Variants in IQCK observed in about 807,000 individuals in gnomAD.
IQCK encodes the protein IQ motif containing K.
IQCK carries 29 observed loss-of-function variants against 28.1 expected under a neutral mutation model. The observed-to-expected ratio is 1.03, with a 90% CI of 0.77 to 1.41. IQCK has a LOEUF of 1.41. Among genes scored for constraint, IQCK ranks in the 40% most tolerant of loss-of-function variants. The probability of loss-of-function intolerance (pLI) is 0.00; values close to 1 mark genes in which losing one functional copy is unlikely to be tolerated. For synonymous variants in IQCK, 113 were observed against 115.1 expected, an observed-to-expected ratio of 0.98 and a Z score of 0.12; for missense variants, 359 against 314.7, an observed-to-expected ratio of 1.14 and a Z score of -1.07.
At chr16:19,745,074 A>G (rs1310978491) in intron 4 of IQCK, among the ~76,000 whole-genome samples, 1 of 152,210 alleles carries the variant, frequency 6.6e-6, no homozygotes, top group African/African-American at 2.4e-5. Context: ...TAATATTCCA[A>G]TATTTTGGGT....
chr16:19,733,417 G>A (rs1231149744), intron 2 of IQCK, among the ~76,000 whole-genome samples: 1 of 152,106 alleles, frequency 6.6e-6, no homozygotes, highest in Admixed American at 6.5e-5. Flanking sequence ...GGGATTACAG[G>A]CGTGAGTTTC....
intron 1 of IQCK, among the ~76,000 whole-genome samples, chr16:19,721,778 A>T (rs1304208369): frequency 6.6e-6 from 1 of 151,992 alleles, no homozygotes. Context: ...GGGTTTTGCC[A>T]TGTTGGCCAA....
At chr16:19,811,481 G>A (rs996463180) in intron 7 of IQCK, among the ~76,000 whole-genome samples, 7 of 152,126 alleles carry the variant, frequency 4.6e-5, no homozygotes, top group African/African-American at 1.2e-4. Context: ...GGGAAATTCC[G>A]TCTTTTCCAA....
chr16:19,735,481 G>T, intron 4 of IQCK, 31 bp downstream of exon 4: 1 of 1,468,652 alleles, frequency 6.8e-7, no homozygotes, highest in Non-Finnish European at 9.5e-7. Flanking sequence ...TCTTTATTTT[G>T]AGATTCTCAA....
chr16:19,781,834 C>A (rs1268768599), intron 6 of IQCK, among the ~76,000 whole-genome samples: 1 of 151,860 alleles, frequency 6.6e-6, no homozygotes, highest in Non-Finnish European at 1.5e-5. Flanking sequence ...ACTAAAAATA[C>A]AAAAATTAGC....
At chr16:19,845,804 G>T (rs528785168) in intron 9 of IQCK, among the ~76,000 whole-genome samples, 1 of 152,296 alleles carries the variant, frequency 6.6e-6, no homozygotes, top group South Asian at 2.1e-4. Flanking sequence ...GCCGGGCATG[G>T]TGGCTCATGC....
intron 7 of IQCK, among the ~76,000 whole-genome samples, chr16:19,806,448 G>A (rs1375486405): frequency 1.3e-5 from 2 of 152,102 alleles, no homozygotes; most frequent in Non-Finnish European, 2.9e-5. Context: ...CACTTTGGGA[G>A]GCTGAGGCGG....
intron 6 of IQCK, among the ~76,000 whole-genome samples, chr16:19,773,724 C>T (rs111326920): frequency 0.031 from 4,716 of 152,244 alleles, 231 homozygotes; most frequent in African/African-American, 0.11. Flanking sequence ...CCATGAGCTA[C>T]GGTTTGTTGA....
At position 19,802,558 on chromosome 16, in the gene IQCK, T is replaced by C. The variant is rs189605311; in HGVS notation, c.690+13636T>C. ...GTAAATCCACAAGAAATATTGGCTG[T>C]TGTTGTTATTGTTGTTGCAGCTGTT... On this transcript the variant is annotated intron_variant, in intron 7 of 7. Transcript: ENST00000564186. Among the ~76,000 whole-genome samples, 5 of 125,194 alleles carry C rather than the reference T, an allele frequency of 4.0e-5. No individual in the cohort carries two copies. In the East Asian group the frequency reaches 6.9e-4, roughly 17 times the overall value. 82.1% of individuals were successfully genotyped at this position (125,194 alleles called of 152,430 possible).
rs192960208 is a variant in IQCK, at chr16:19,744,989, C to T, written c.474+9539C>T. On this transcript the variant is annotated intron_variant, in intron 4 of 7. Coordinates refer to ENST00000564186, the Ensembl canonical transcript of IQCK. ...GAATGCAGATAATAGTATCTAAATTCGTTGGCCAATAAGTGAAGAATCACA... is the reference window on the plus strand; with the variant it reads ...GAATGCAGATAATAGTATCTAAATTTGTTGGCCAATAAGTGAAGAATCACA... 7.9e-5 allele frequency among the ~76,000 whole-genome samples: 12 copies of T among 152,248 alleles called. No homozygotes were observed. The East Asian group carries it at 2.1e-3, about 27-fold the overall frequency.
intron 9 of IQCK, among the ~76,000 whole-genome samples, chr16:19,837,982 C>T (rs1274843583): frequency 1.3e-5 from 2 of 152,216 alleles, no homozygotes; most frequent in Non-Finnish European, 2.9e-5. Flanking sequence ...GTGCAATTTA[C>T]CAGCTACATG....
At chr16:19,734,271 A>G (rs2151683814) in intron 3 of IQCK, among the ~76,000 whole-genome samples, 1 of 152,134 alleles carries the variant, frequency 6.6e-6, no homozygotes, top group South Asian at 2.1e-4. Flanking sequence ...CTGAGGCAGG[A>G]GGATCACTTG....
At chr16:19,810,742 G>A (rs1460217553) in intron 7 of IQCK, among the ~76,000 whole-genome samples, 2 of 148,828 alleles carry the variant, frequency 1.3e-5, no homozygotes, top group East Asian at 4.1e-4. Context: ...GGAGGCGGAA[G>A]TTGTAGTGAG....
chr16:19,746,914 C>T (rs985984394), intron 4 of IQCK, among the ~76,000 whole-genome samples: 5 of 152,186 alleles, frequency 3.3e-5, no homozygotes, highest in South Asian at 2.1e-4. Flanking sequence ...AATTGCATTT[C>T]GATTATTATG....
At chr16:19,854,695 C>T (rs567528064) in intron 9 of IQCK, among the ~76,000 whole-genome samples, 63 of 152,316 alleles carry the variant, frequency 4.1e-4, no homozygotes, top group African/African-American at 1.3e-3. Flanking sequence ...AACTCTGTTA[C>T]GTTGTCAGGC....
At chr16:19,768,201 A>T (rs2055269558) in intron 6 of IQCK, among the ~76,000 whole-genome samples, 1 of 152,176 alleles carries the variant, frequency 6.6e-6, no homozygotes, top group African/African-American at 2.4e-5. Flanking sequence ...ACTAGGATGT[A>T]GGTACTAAAG....
chr16:19,753,753 T>C (rs987333930), intron 4 of IQCK, among the ~76,000 whole-genome samples: 2 of 151,982 alleles, frequency 1.3e-5, no homozygotes, highest in African/African-American at 2.4e-5. Flanking sequence ...CTCTGTGATA[T>C]AACTGAGGAG....
intron 7 of IQCK, among the ~76,000 whole-genome samples, chr16:19,806,930 A>G (rs541631297): frequency 6.6e-6 from 1 of 152,118 alleles, no homozygotes; most frequent in South Asian, 2.1e-4. Context: ...TGACTCCCCA[A>G]TAACCCCCAC....
chr16:19,845,707 C>T (rs1291190207), intron 9 of IQCK, among the ~76,000 whole-genome samples: 1 of 152,140 alleles, frequency 6.6e-6, no homozygotes, highest in Non-Finnish European at 1.5e-5. Flanking sequence ...TTAAAGAAAA[C>T]CTGCTTAAAT....
Sources: allele counts gnomAD v4.1 joint callset (sites outside exome capture counted in the v4.1 genomes callset), GRCh38; gene constraint gnomAD v4.1.1; transcripts MANE v1.5; gene names NCBI Gene and HGNC (gene_info 2026-07-23, HGNC 2026-07-21).